FHOD3: variants seen among roughly 807,000 people sequenced by gnomAD.
FHOD3 encodes FH1/FH2 domain-containing protein 3.
Under a neutral mutation model 173.0 loss-of-function variants are expected in FHOD3, and 90 were observed. That is an observed-to-expected ratio of 0.52 (90% CI 0.44 to 0.62). The LOEUF (loss-of-function observed/expected upper bound fraction) is 0.62. FHOD3 is among the 20% of genes least tolerant of loss of function. The pLI is 0.00. For missense variants in FHOD3, 1,945 were observed against 2,034.7 expected (o/e 0.96, Z 0.85); for synonymous variants, 828 against 823.0 (o/e 1.01, Z -0.10).
chr18:36,687,257 CGATTAAA>C lies in FHOD3; in HGVS notation c.2021+80_2021+86del, dbSNP rs546222071. ...TTAACCTAGCATGCAGAGAGACTGT[CGATTAAA>C]ATATAACTGCTTCACCTAAAACCTT... On this transcript the variant is annotated intron_variant, in intron 16 of 28. Transcript: ENST00000590592. The C allele has an allele frequency of 2.4e-3, 2,517 of 1,058,690 alleles. 46 individuals are homozygous for C. In the African/African-American group the frequency reaches 0.033, roughly 14 times the overall value. 65.6% of individuals were successfully genotyped at this position (1,058,690 alleles called of 1,614,324 possible).
chr18:36,779,765 G>A lies in FHOD3; in HGVS notation c.*235G>A, dbSNP rs1036002264. On this transcript the variant is annotated 3_prime_UTR_variant, in exon 29 of 29. Coordinates refer to ENST00000590592, the MANE Select transcript of FHOD3 (RefSeq NM_001281740.3). ...TGTCAGCTGTGTTTCTCTTGATTCC[G>A]TGACACCCGGTTTATTAGTTCAAAA... The A allele has an allele frequency of 1.8e-5, 10 of 545,172 alleles. No individual in the cohort carries two copies. The highest frequency in any genetic ancestry group is 5.7e-5 in the African/African-American group (3 of 52,926). The allele number at this position is 545,172 out of a possible 1,614,324, so 33.8% of individuals were successfully genotyped here.
intron 3 of FHOD3, among the ~76,000 whole-genome samples, chr18:36,477,355 A>T (rs2053627561): frequency 6.6e-6 from 1 of 152,196 alleles, no homozygotes; most frequent in Non-Finnish European, 1.5e-5. Context: ...GGTATTGAAT[A>T]TTAATCACTT....
At chr18:36,450,641 T>A (rs1420792401) in intron 3 of FHOD3, among the ~76,000 whole-genome samples, 2 of 151,336 alleles carry the variant, frequency 1.3e-5, no homozygotes, top group Non-Finnish European at 2.9e-5. Flanking sequence ...AAAATAAAAA[T>A]AATTAGCTGG....
At chr18:36,448,093 T>A (rs1181189617) in intron 3 of FHOD3, among the ~76,000 whole-genome samples, 1 of 152,144 alleles carries the variant, frequency 6.6e-6, no homozygotes, top group African/African-American at 2.4e-5. Context: ...AACAAAAGGA[T>A]AATGGTGGTA....
chr18:36,484,335 G>C, intron 3 of FHOD3, among the ~76,000 whole-genome samples: 1 of 150,614 alleles, frequency 6.6e-6, no homozygotes, highest in East Asian at 2.0e-4. Context: ...TGCAATTGAA[G>C]GTAGGATGTG....
intron 1 of FHOD3, among the ~76,000 whole-genome samples, chr18:36,349,721 T>C (rs1011407574): frequency 6.6e-6 from 1 of 152,188 alleles, no homozygotes; most frequent in African/African-American, 2.4e-5. Context: ...AATCGAGACG[T>C]GACATCAGCC....
At chr18:36,586,446 ATT>A (rs961020771) in intron 6 of FHOD3, among the ~76,000 whole-genome samples, 3 of 151,688 alleles carry the variant, frequency 2.0e-5, no homozygotes, top group African/African-American at 7.3e-5. Flanking sequence ...TAGTGCAGGG[ATT>A]TTGGTATTCC....
At chr18:36,505,604 G>A (rs1252225185) in intron 4 of FHOD3, among the ~76,000 whole-genome samples, 1 of 152,188 alleles carries the variant, frequency 6.6e-6, no homozygotes, top group Non-Finnish European at 1.5e-5. Flanking sequence ...GGTGATTGAA[G>A]AAATTTAAGA....
chr18:36,360,442 C>T (rs2046553886), intron 2 of FHOD3, among the ~76,000 whole-genome samples: 1 of 152,190 alleles, frequency 6.6e-6, no homozygotes, highest in African/African-American at 2.4e-5. Flanking sequence ...CACTTTCTCT[C>T]ATTTGCCAAG....
At chr18:36,628,154 T>A (rs2034252776) in intron 10 of FHOD3, among the ~76,000 whole-genome samples, 1 of 152,210 alleles carries the variant, frequency 6.6e-6, no homozygotes, top group African/African-American at 2.4e-5. Context: ...TTTGCATCAT[T>A]TGAATTTAAC....
chr18:36,644,192 A>G (rs1203673820), intron 10 of FHOD3, among the ~76,000 whole-genome samples: 1 of 152,206 alleles, frequency 6.6e-6, no homozygotes, highest in Non-Finnish European at 1.5e-5. Context: ...CTCCTTATCA[A>G]TCACAAGCAA....
chr18:36,717,714 A>G, intron 18 of FHOD3, 118 bp from the exon 19 acceptor site: 2 of 1,456,928 alleles, frequency 1.4e-6, no homozygotes, highest in Admixed American at 2.6e-5. Flanking sequence ...TTGACTGCTC[A>G]TGCAGTGTCT....
chr18:36,536,695 T>C (rs182353877), intron 5 of FHOD3, among the ~76,000 whole-genome samples: 1 of 151,262 alleles, frequency 6.6e-6, no homozygotes, highest in African/African-American at 2.4e-5. Flanking sequence ...GGGAGGAGAG[T>C]AGGGAAGGGC....
At chr18:36,549,608 G>A (rs1326554195) in intron 5 of FHOD3, among the ~76,000 whole-genome samples, 1 of 141,668 alleles carries the variant, frequency 7.1e-6, no homozygotes, top group Non-Finnish European at 1.5e-5. Context: ...TGTGATCTCG[G>A]CTCACTGCAA....
intron 14 of FHOD3, among the ~76,000 whole-genome samples, chr18:36,659,797 G>A (rs1198602612): frequency 6.6e-6 from 1 of 152,188 alleles, no homozygotes; most frequent in Non-Finnish European, 1.5e-5. Context: ...TTCTTCCCAG[G>A]TTCTGAAAGG....
At chr18:36,512,391 G>A in intron 4 of FHOD3, 47 bp from the exon 5 acceptor site, 1 of 1,398,904 alleles carries the variant, frequency 7.1e-7, no homozygotes, top group South Asian at 1.2e-5. Context: ...GGGATGGAAG[G>A]TGGACAGGGA....
intron 20 of FHOD3, among the ~76,000 whole-genome samples, chr18:36,735,911 A>G (rs1022411996): frequency 6.6e-6 from 1 of 152,254 alleles, no homozygotes; most frequent in African/African-American, 2.4e-5. Context: ...TATTTTTAAA[A>G]AGGGATTTCT....
At chr18:36,603,318 C>T (rs8083165) in intron 8 of FHOD3, among the ~76,000 whole-genome samples, 2,755 of 152,036 alleles carry the variant, frequency 0.018, 81 homozygotes, top group African/African-American at 0.056. Flanking sequence ...GTGTGCAGTA[C>T]GGGAGAAAAT....
At chr18:36,557,161 G>T (rs1056197317) in intron 5 of FHOD3, among the ~76,000 whole-genome samples, 3 of 151,916 alleles carry the variant, frequency 2.0e-5, no homozygotes, top group Admixed American at 1.3e-4. Context: ...TCTAATTGTG[G>T]CTTGTTATTC....
Sources: gnomAD v4.1 joint callset for allele counts (sites outside exome capture counted in the v4.1 genomes callset) on GRCh38, gnomAD v4.1.1 for gene constraint, MANE v1.5 for transcripts, NCBI Gene and HGNC (gene_info 2026-07-23, HGNC 2026-07-21) for gene names.